Variants in PCLO observed in about 807,000 individuals in gnomAD.
The protein encoded by PCLO is protein piccolo.
A neutral mutation model predicts 427.5 loss-of-function variants in PCLO; 82 were observed. The observed-to-expected ratio is 0.19, with a 90% CI of 0.16 to 0.23. The LOEUF is 0.23. Among genes scored for constraint, PCLO ranks in the 10% least tolerant of loss-of-function variants. The pLI is 1.00. For missense variants in PCLO, 6,239 were observed against 6,115.9 expected (o/e 1.02, Z -0.67); for synonymous variants, 2,357 against 2,155.4 (o/e 1.09, Z -2.59).
At chr7:83,129,952 G>A (rs1392040231) in intron 3 of PCLO, among the ~76,000 whole-genome samples, 1 of 150,844 alleles carries the variant, frequency 6.6e-6, no homozygotes, top group Non-Finnish European at 1.5e-5. Context: ...ACTAAATATT[G>A]CTCAATAAAA....
intron 9 of PCLO, among the ~76,000 whole-genome samples, chr7:82,885,067 T>G (rs1793598277): frequency 6.6e-6 from 1 of 152,174 alleles, no homozygotes; most frequent in South Asian, 2.1e-4. Context: ...CCTGGTATAT[T>G]CCCTTCCGTT....
At chr7:83,089,704 T>C (rs1438892017) in intron 3 of PCLO, among the ~76,000 whole-genome samples, 2 of 152,168 alleles carry the variant, frequency 1.3e-5, no homozygotes, top group Non-Finnish European at 2.9e-5. Context: ...CAATAACCAC[T>C]GGCTGGAGCA....
intron 2 of PCLO, among the ~76,000 whole-genome samples, chr7:83,148,818 C>G (rs748738017): frequency 2.0e-5 from 3 of 152,126 alleles, no homozygotes; most frequent in Non-Finnish European, 4.4e-5. Context: ...TCTTAATCCA[C>G]TCATAGGTAA....
intron 3 of PCLO, among the ~76,000 whole-genome samples, chr7:83,000,904 A>G (rs1787807277): frequency 6.6e-6 from 1 of 152,080 alleles, no homozygotes; most frequent in African/African-American, 2.4e-5. Flanking sequence ...AATGTATTCA[A>G]TATATAGGTT....
At chr7:82,969,183 T>C (rs1562890689) in intron 3 of PCLO, among the ~76,000 whole-genome samples, 1 of 152,196 alleles carries the variant, frequency 6.6e-6, no homozygotes, top group Non-Finnish European at 1.5e-5. Flanking sequence ...CAAGGTAGTA[T>C]ACTCATTATT....
chr7:82,949,473 T>TA lies in PCLO; in HGVS notation c.11112+2dup. ...CCTTCCAACTGAAAAGAATCACTCT[T>TA]ACCGTATAGCCCTCGGTATACTGAA... On this transcript the variant is annotated splice_region_variant and intron_variant, in intron 6 of 24. Coordinates refer to ENST00000333891, the MANE Select transcript of PCLO (RefSeq NM_033026.6). 1.3e-6 allele frequency: 2 copies of TA among 1,568,802 alleles called. No homozygotes were observed. The highest frequency in any genetic ancestry group is 1.7e-6 in the Non-Finnish European group (2 of 1,159,712).
chr7:83,024,201 A>T (rs1788420179), intron 3 of PCLO, among the ~76,000 whole-genome samples: 1 of 152,178 alleles, frequency 6.6e-6, no homozygotes, highest in Non-Finnish European at 1.5e-5. Context: ...TACTGGGTTC[A>T]TCTTACTAGG....
intron 3 of PCLO, among the ~76,000 whole-genome samples, chr7:83,080,086 G>A (rs1790057662): frequency 6.6e-6 from 1 of 152,126 alleles, no homozygotes; most frequent in Admixed American, 6.6e-5. Flanking sequence ...ATTCCATGGT[G>A]TATATGTAAC....
intron 10 of PCLO, among the ~76,000 whole-genome samples, chr7:82,857,296 T>C (rs1298285111): frequency 6.6e-6 from 1 of 152,166 alleles, no homozygotes; most frequent in African/African-American, 2.4e-5. Flanking sequence ...GGGTAGTTGA[T>C]GCACTTAGGA....
intron 3 of PCLO, among the ~76,000 whole-genome samples, chr7:83,026,071 A>T (rs1247096250): frequency 6.6e-6 from 1 of 151,842 alleles, no homozygotes; most frequent in African/African-American, 2.4e-5. Flanking sequence ...ACCAGCTAAC[A>T]TCATCATGAC....
In PCLO at chr7:82,949,879, T is replaced by C. The variant is rs774598991; in HGVS notation, c.10709A>G (p.Glu3570Gly). 6 of 1,613,656 alleles carry C rather than the reference T, an allele frequency of 3.7e-6. No individual in the cohort carries two copies. In the African/African-American group the frequency reaches 5.3e-5, roughly 14 times the overall value. Reference sequence around the variant, plus strand: ...AGGACTTTGTGTGTCTGAATCTGCTTCTGTTTGACATCCTAAACTGCCCCC... The same window carrying C: ...AGGACTTTGTGTGTCTGAATCTGCTCCTGTTTGACATCCTAAACTGCCCCC... ...YKGGSLGCQT[E>G]ADSDTQSPQY... Residue 3570 changes from glutamate (E) to glycine (G), a missense_variant, in exon 6 of 25, where the codon GAA becomes GGA. Glu to Gly is a moderately conservative substitution (Grantham distance 98). Around this residue, in one of 5 missense-constraint regions of PCLO, gnomAD observed 4,677 missense variants for 4,468.4 expected, o/e 1.05. Coordinates refer to ENST00000333891, the MANE Select transcript of PCLO (RefSeq NM_033026.6).
At chr7:83,031,857 T>C (rs1329104050) in intron 3 of PCLO, among the ~76,000 whole-genome samples, 7 of 151,772 alleles carry the variant, frequency 4.6e-5, no homozygotes, top group Non-Finnish European at 1.0e-4. Context: ...TAACATTAGG[T>C]AGGCTTAATA....
intron 9 of PCLO, among the ~76,000 whole-genome samples, chr7:82,888,445 T>C (rs1234929736): frequency 2.6e-5 from 4 of 152,176 alleles, no homozygotes; most frequent in Admixed American, 1.3e-4. Context: ...CTCACCATAT[T>C]TTGCCTCAGT....
intron 22 of PCLO, among the ~76,000 whole-genome samples, chr7:82,792,131 T>C (rs1791114105): frequency 6.6e-6 from 1 of 152,122 alleles, no homozygotes; most frequent in African/African-American, 2.4e-5. Context: ...TTAATGAGTG[T>C]GTCAGATAAA....
Position 83,155,016 on chromosome 7 carries a change from T to C in PCLO, c.1625A>G (p.Gln542Arg), listed in dbSNP as rs1353040703. Residue 542 changes from glutamine (Q) to arginine (R), a missense_variant, in exon 2 of 25, where the codon CAA becomes CGA. Transcript: ENST00000333891. ...CGAGGGCTTTGCTGGGCTAGGCTGT[T>C]GAGCTGAGGGTTTTGCTGAGCCAGG... ...QQPGSAKPSA[Q>R]QPSPAKPSAQ... The C allele has an allele frequency of 3.7e-6, 6 of 1,613,962 alleles. No homozygotes were observed. Among genetic ancestry groups the C allele is most frequent in the South Asian group, 2.2e-5 (2 of 91,074 alleles).
At chr7:82,982,497 T>C (rs977799690) in intron 3 of PCLO, among the ~76,000 whole-genome samples, 2 of 152,040 alleles carry the variant, frequency 1.3e-5, no homozygotes, top group Admixed American at 6.6e-5. Flanking sequence ...CAGAGAAGGC[T>C]CAATAAGCAA....
chr7:82,940,764 T>C (rs1188810282), intron 6 of PCLO, among the ~76,000 whole-genome samples: 4 of 144,654 alleles, frequency 2.8e-5, no homozygotes, highest in African/African-American at 5.1e-5. Context: ...TCTTTTTTTT[T>C]TTTTTTTTTT....
At chr7:82,904,676 T>C (rs887083725) in intron 8 of PCLO, among the ~76,000 whole-genome samples, 2 of 152,014 alleles carry the variant, frequency 1.3e-5, no homozygotes, top group African/African-American at 4.8e-5. Context: ...GAGACGTTGA[T>C]GTAATCTCAC....
rs371551098 is a variant in PCLO, at chr7:83,057,653, G to A, written c.3300+76597C>T. Among the ~76,000 whole-genome samples, 429 of 151,270 alleles carry A rather than the reference G, an allele frequency of 2.8e-3. 2 individuals are homozygous for A. The highest frequency in any genetic ancestry group is 9.9e-3 in the African/African-American group (409 of 41,280). On this transcript the variant is annotated intron_variant, in intron 3 of 24. Coordinates refer to ENST00000333891, the MANE Select transcript of PCLO (RefSeq NM_033026.6). Reference sequence around the variant, plus strand: ...TGGGATTACAGGTGTGAGCCACCACGCCCGGCCTCTATCATTTTTAAATAA... The same window carrying A: ...TGGGATTACAGGTGTGAGCCACCACACCCGGCCTCTATCATTTTTAAATAA...
Sources: allele counts gnomAD v4.1 joint callset (sites outside exome capture counted in the v4.1 genomes callset), GRCh38; gene constraint gnomAD v4.1.1; regional missense constraint gnomAD v4.1.1; transcripts MANE v1.5; gene names NCBI Gene and HGNC (gene_info 2026-07-23, HGNC 2026-07-21).